SI: variants seen among roughly 807,000 people sequenced by gnomAD.
SI encodes the protein sucrase-isomaltase, intestinal.
Under a neutral mutation model 253.3 loss-of-function variants are expected in SI, and 235 were observed. The observed-to-expected ratio is 0.93, with a 90% CI of 0.83 to 1.03. The LOEUF (loss-of-function observed/expected upper bound fraction) is 1.03. Ranked by LOEUF, SI falls within the 50% of genes least tolerant of loss-of-function variation. The pLI, the probability that SI is intolerant of heterozygous loss-of-function variation, is 0.00. For synonymous variants in SI, 819 were observed against 712.0 expected, an observed-to-expected ratio of 1.15 and a Z score of -2.39; for missense variants, 2,442 against 2,211.1, an observed-to-expected ratio of 1.10 and a Z score of -2.09.
intron 6 of SI, 94 bp downstream of exon 6, chr3:165,067,246 G>T: frequency 1.0e-6 from 1 of 993,138 alleles, no homozygotes; most frequent in Non-Finnish European, 1.5e-6. Context: ...CTTTTGGGAG[G>T]AAATTTATTT....
At chr3:164,986,156 A>G (rs1717424117) in intron 45 of SI, among the ~76,000 whole-genome samples, 1 of 152,122 alleles carries the variant, frequency 6.6e-6, no homozygotes, top group East Asian at 1.9e-4. Context: ...TGGGGGCTCA[A>G]AAACTGATTT....
At chr3:164,995,809 T>C (rs1652974318) in intron 40 of SI, among the ~76,000 whole-genome samples, 1 of 151,846 alleles carries the variant, frequency 6.6e-6, no homozygotes, top group Admixed American at 6.6e-5. Context: ...GTATCTGACC[T>C]ATTACATATA....
At chr3:165,040,899 C>G (rs375201199) in intron 18 of SI, 41 bp downstream of exon 18, 10 of 1,510,780 alleles carry the variant, frequency 6.6e-6, no homozygotes, top group Admixed American at 1.7e-5. Flanking sequence ...TTTGAACATA[C>G]TTTAAAAGGT....
intron 40 of SI, among the ~76,000 whole-genome samples, chr3:164,994,817 G>A (rs1717936311): frequency 6.6e-6 from 1 of 151,634 alleles, no homozygotes; most frequent in Middle Eastern, 3.4e-3. Context: ...TGCACATTGT[G>A]GGTTCTCAGG....
chr3:164,994,148 T>C, intron 41 of SI, 109 bp downstream of exon 41: 3 of 957,102 alleles, frequency 3.1e-6, no homozygotes, highest in Non-Finnish European at 4.9e-6. Context: ...AATATAACAA[T>C]GGAAAAACTG....
chr3:165,008,701 TA>T (rs1403775358), intron 35 of SI, among the ~76,000 whole-genome samples: 1 of 151,916 alleles, frequency 6.6e-6, no homozygotes, highest in Admixed American at 6.6e-5. Flanking sequence ...TTTTTCAATT[TA>T]AAAAATAAGT....
intron 8 of SI, 148 bp from the exon 9 acceptor site, chr3:165,062,631 G>C: frequency 1.8e-6 from 1 of 566,364 alleles, no homozygotes; most frequent in South Asian, 2.2e-5. Flanking sequence ...TTGAATGCAG[G>C]AATAACATAG....
rs1255296576 is a variant in SI, at chr3:165,017,839, G to A, written c.3555C>T (p.Tyr1185=). The A allele has an allele frequency of 6.2e-7, 1 of 1,612,986 alleles. No individual in the cohort carries two copies. Among genetic ancestry groups the A allele is most frequent in the East Asian group, 2.2e-5 (1 of 44,740 alleles). Residue 1185 remains tyrosine, a synonymous_variant, in exon 30 of 48, where the codon TAC becomes TAT. Coordinates refer to ENST00000264382, the MANE Select transcript of SI (RefSeq NM_001041.4). ...AATCCAAGATCCCTCCAACTGTACG[G>A]TAAGTTAGAGCAGGAGTTGGCTGGA... ...VTFQPTPALT[Y]RTVGGILDFY...
At position 165,021,336 on chromosome 3, in the gene SI, G is replaced by A. The variant is rs1447533456; in HGVS notation, c.3147C>T (p.Asn1049=). Residue 1049 remains asparagine (N), a synonymous_variant, in exon 27 of 48, where the codon AAC becomes AAT. Coordinates refer to ENST00000264382, the MANE Select transcript of SI (RefSeq NM_001041.4). ...AAGTACTTATTGGGGTGGTTGGAAT[G>A]TTTAACGGTACTGGTACTTCATATC... ...KKRYEVPVPL[N]IPTTPISTYE... is the part of the protein sequence containing the mutation. 1 of 1,610,918 alleles carries A rather than the reference G, an allele frequency of 6.2e-7. No individual in the cohort carries two copies. Among genetic ancestry groups the A allele is most frequent in the Non-Finnish European group, 8.5e-7 (1 of 1,177,734 alleles).
Position 164,994,262 on chromosome 3 carries a change from C to A in SI, c.4836G>T (p.Leu1612Phe), listed in dbSNP as rs770794869. The A allele has an allele frequency of 6.2e-7, 1 of 1,610,368 alleles. No homozygotes were observed. Among genetic ancestry groups the A allele is most frequent in the Non-Finnish European group, 8.5e-7 (1 of 1,177,576 alleles). Reference protein sequence around the residue: ...ANGGTVIRPLLHEFFDEKPTW... With the variant: ...ANGGTVIRPLFHEFFDEKPTW... The stretch of plus-strand genomic sequence containing the variant: ...AAAACAAACTTTGTACTTACTCATG[C>A]AAAAGGGGTCGGATAACAGTGCCAC... Residue 1612 changes from leucine (L) to phenylalanine (F), a missense_variant, in exon 41 of 48, where the codon TTG becomes TTT. Coordinates refer to ENST00000264382, the MANE Select transcript of SI (RefSeq NM_001041.4).
At chr3:165,019,547 G>A (rs1576889140) in intron 28 of SI, 55 bp downstream of exon 28, 2 of 1,511,420 alleles carry the variant, frequency 1.3e-6, no homozygotes, top group East Asian at 4.6e-5. Flanking sequence ...GAAGTGGCTT[G>A]GATTCTACTC....
Position 164,991,427 on chromosome 3 carries a change from A to T in SI, c.5034T>A (p.Tyr1678Ter). The change falls in exon 44 of 48, where the codon TAT becomes TAA. Residue 1678 changes from tyrosine to a stop codon, truncating the protein, a stop_gained. Coordinates refer to ENST00000264382, the MANE Select transcript of SI (RefSeq NM_001041.4). LOFTEE classifies it high-confidence loss of function. ...CACGGACATGTAGGTTTATTGTGTC[A>T]TAAGAAGCATTAAATGTTTGAAATT... ...RGQFQTFNAS[Y>*]DTINLHVRGG... The T allele has an allele frequency of 1.2e-6, 2 of 1,613,586 alleles. No homozygotes were observed. The highest frequency in any genetic ancestry group is 1.7e-6 in the Non-Finnish European group (2 of 1,179,602).
intron 15 of SI, among the ~76,000 whole-genome samples, chr3:165,048,740 C>G (rs1214367395): frequency 1.3e-5 from 2 of 151,798 alleles, no homozygotes; most frequent in Non-Finnish European, 2.9e-5. Context: ...GCCTCAGCCT[C>G]CGAAGTAACT....
At chr3:165,085,850 G>A in the SI span, among the ~76,000 whole-genome samples, 9 of 152,084 alleles carry the variant, frequency 5.9e-5, no homozygotes, top group Admixed American at 5.2e-4. Flanking sequence ...TACAATACTA[G>A]CATTGTAATT....
chr3:164,984,540 A>C (rs1233580694), intron 45 of SI, among the ~76,000 whole-genome samples: 1 of 152,136 alleles, frequency 6.6e-6, no homozygotes, highest in Non-Finnish European at 1.5e-5. Flanking sequence ...TATTACGAAG[A>C]TATGGGTAGC....
At chr3:165,008,758 T>C (rs557134468) in intron 35 of SI, among the ~76,000 whole-genome samples, 25 of 152,064 alleles carry the variant, frequency 1.6e-4, no homozygotes, top group Admixed American at 1.4e-3. Context: ...AAAAAATTTT[T>C]CCTCCGGAAA....
At chr3:165,023,865 T>G (rs558078664) in intron 25 of SI, 89 bp from the exon 26 acceptor site, 1 of 880,260 alleles carries the variant, frequency 1.1e-6, no homozygotes, top group African/African-American at 1.7e-5. Context: ...AGTCACACAT[T>G]GTATGATTTA....
At position 164,982,294 on chromosome 3, in the gene SI, C is replaced by T. The variant is rs778515268; in HGVS notation, c.5364G>A (p.Thr1788=). 14 of 1,612,956 alleles carry T rather than the reference C, an allele frequency of 8.7e-6. No individual in the cohort carries two copies. Among genetic ancestry groups the T allele is most frequent in the East Asian group, 2.2e-5 (1 of 44,760 alleles). The part of the protein sequence containing the change: ...GTTPVNAVTL[T]YNGNKNSLPF... Reference sequence around the variant, plus strand: ...GAAGCGAATTTTTATTTCCGTTATACGTTAGAGTAACTGCATTGACAGGAG... The same window carrying T: ...GAAGCGAATTTTTATTTCCGTTATATGTTAGAGTAACTGCATTGACAGGAG... Residue 1788 remains threonine, a synonymous_variant, in exon 47 of 48, where the codon ACG becomes ACA. Transcript: ENST00000264382.
chr3:164,995,368 G>T (rs1217228579), intron 40 of SI, among the ~76,000 whole-genome samples: 3 of 151,698 alleles, frequency 2.0e-5, no homozygotes, highest in African/African-American at 7.2e-5. Flanking sequence ...AAAAGGCAAA[G>T]ATCATATCTG....
Sources: allele counts gnomAD v4.1 joint callset (sites outside exome capture counted in the v4.1 genomes callset), GRCh38; gene constraint gnomAD v4.1.1; transcripts MANE v1.5; gene names NCBI Gene and HGNC (gene_info 2026-07-23, HGNC 2026-07-21).